Variants in AQP7 observed in about 807,000 individuals in gnomAD.
AQP7 encodes aquaporin-7.
Under a neutral mutation model 26.1 loss-of-function variants are expected in AQP7, and 22 were observed. The observed-to-expected ratio is 0.84, with a 90% CI of 0.60 to 1.20. The LOEUF is 1.20. Ranked by LOEUF, AQP7 falls within the 50% of genes most tolerant of loss-of-function variation. The pLI is 0.00. For synonymous variants in AQP7, 167 were observed against 181.7 expected (o/e 0.92, Z 0.65); for missense variants, 412 against 457.5 (o/e 0.90, Z 0.91).
At chr9:33,387,798 T>C (rs982303276) in intron 3 of AQP7, among the ~76,000 whole-genome samples, 1 of 151,764 alleles carries the variant, frequency 6.6e-6, no homozygotes, top group African/African-American at 2.4e-5. Flanking sequence ...GGCCTCCGTC[T>C]CCCCCATACC....
intron 3 of AQP7, among the ~76,000 whole-genome samples, chr9:33,387,605 C>T (rs558845): frequency 0.72 from 110,003 of 151,766 alleles, 41,803 homozygotes; most frequent in East Asian, 0.97. Flanking sequence ...GTCTTGCCCT[C>T]AGCTTCATTT....
In AQP7 at chr9:33,386,151, G is replaced by T; in HGVS notation, c.451C>A (p.Pro151Thr). Residue 151 changes from proline (P) to threonine (T), a missense_variant, in exon 6 of 8, where the codon CCC becomes ACC. Physicochemically the swap from Pro to Thr is conservative, Grantham distance 38 (BLOSUM62 -1). Transcript: ENST00000297988. ...GCAAAAATGCCAGCTGTAGCGACGG[G>T]ACCGGTCACCATCAGCTGTCCACCC... ...FSGGQLMVTGPVATAGIFATY... is the reference protein window; with the variant it reads ...FSGGQLMVTGTVATAGIFATY... 6.2e-7 allele frequency: 1 copy of T among 1,613,980 alleles called. No homozygotes were observed. Among genetic ancestry groups the T allele is most frequent in the Non-Finnish European group, 8.5e-7 (1 of 1,179,876 alleles).
At position 33,387,086 on chromosome 9, in the gene AQP7, C is replaced by T. The variant is rs575153087; in HGVS notation, c.151G>A (p.Gly51Ser). ...ACCATATGGGCCACGGAACCAAGGC[C>T]GAATACCTACAAGGGAGGGCCTCTA... ...FMSTYVMMVF[G>S]LGSVAHMVLN... The change falls in exon 4 of 8, where the codon GGC becomes AGC. Residue 51 changes from glycine (G) to serine (S), a missense_variant. Gly to Ser is a moderately conservative substitution (Grantham distance 56). Transcript: ENST00000297988. The T allele has an allele frequency of 1.5e-5, 24 of 1,611,812 alleles. No homozygotes were observed. The highest frequency in any genetic ancestry group is 6.6e-5 in the South Asian group (6 of 90,982).
At chr9:33,386,233 A>G in intron 5 of AQP7, 38 bp from the exon 6 acceptor site, 2 of 1,612,614 alleles carry the variant, frequency 1.2e-6, no homozygotes, top group Non-Finnish European at 8.5e-7. Flanking sequence ...CCTGCTCCCA[A>G]CTAAGCCCCA....
chr9:33,390,473 A>T (rs531144909), intron 3 of AQP7, among the ~76,000 whole-genome samples: 143 of 125,830 alleles, frequency 1.1e-3, no homozygotes, highest in African/African-American at 4.9e-3. Flanking sequence ...TTGCTGATTT[A>T]AAAAAAAAAA....
intron 2 of AQP7, among the ~76,000 whole-genome samples, chr9:33,397,563 G>T (rs1313585902): frequency 1.3e-5 from 2 of 152,106 alleles, no homozygotes; most frequent in Non-Finnish European, 2.9e-5. Context: ...CAAAGACTGG[G>T]ATGGGTGAGC....
At chr9:33,387,765 G>C in intron 3 of AQP7, among the ~76,000 whole-genome samples, 1 of 152,010 alleles carries the variant, frequency 6.6e-6, no homozygotes, top group East Asian at 1.9e-4. Flanking sequence ...CCTGGCTCCT[G>C]TGCTATCCTC....
Position 33,385,638 on chromosome 9 carries a change from A to G in AQP7, c.743+11T>C, listed in dbSNP as rs999053956. 1.2e-6 allele frequency: 2 copies of G among 1,612,936 alleles called. No individual in the cohort carries two copies. Among genetic ancestry groups the G allele is most frequent in the African/African-American group, 2.7e-5 (2 of 74,880 alleles). On this transcript the variant is annotated intron_variant, in intron 7 of 7. Transcript: ENST00000297988. ...AAAACTCAAAGGAATGGGCCTGGGC[A>G]GGGGCAGTACCTGAAGACCTGTTTG...
intron 3 of AQP7, among the ~76,000 whole-genome samples, chr9:33,393,243 A>G (rs140895503): frequency 6.6e-6 from 1 of 152,284 alleles, no homozygotes; most frequent in East Asian, 1.9e-4. Context: ...TAAGAAAGCT[A>G]AATTTGTGAA....
intron 7 of AQP7, 48 bp from the exon 8 acceptor site, chr9:33,385,338 A>T (rs780728509): frequency 8.9e-6 from 14 of 1,569,592 alleles, no homozygotes; most frequent in Middle Eastern, 2.4e-4. Flanking sequence ...TGCCCAGGAC[A>T]GCACCCTCAT....
chr9:33,393,188 A>T (rs1825565060), intron 3 of AQP7, among the ~76,000 whole-genome samples: 1 of 152,144 alleles, frequency 6.6e-6, no homozygotes, highest in South Asian at 2.1e-4. Flanking sequence ...AGATCACACC[A>T]CTGCACTCCA....
At position 33,386,199 on chromosome 9, in the gene AQP7, C is replaced by T. The variant is rs201175174; in HGVS notation, c.407-4G>A. The T allele has an allele frequency of 4.0e-5, 65 of 1,613,920 alleles. No homozygotes were observed. Among genetic ancestry groups the T allele is most frequent in the South Asian group, 1.6e-4 (15 of 91,064 alleles). On this transcript the variant is annotated splice_region_variant and splice_polypyrimidine_tract_variant and intron_variant, in intron 5 of 7. Coordinates refer to ENST00000297988, the MANE Select transcript of AQP7 (RefSeq NM_001170.3). The stretch of plus-strand genomic sequence containing the variant: ...CCCGAAAAGTGGAGAATGGCCGCTG[C>T]GGAGACACAGACTGTCATGCGAACC...
rs185342355 is a variant in AQP7 at position 33,401,586 on chromosome 9, A to C, written c.-25-299T>G. The C allele has an allele frequency of 2.5e-3, 1,071 of 430,326 alleles. 5 individuals are homozygous for C. The highest frequency in any genetic ancestry group is 0.018 in the African/African-American group (921 of 49,806). The allele number at this position is 430,326 out of a possible 1,614,324, so 26.7% of individuals were successfully genotyped here. A position where few individuals can be genotyped will look rare whatever the true frequency, so the allele number is the denominator to read the frequency against. The stretch of plus-strand genomic sequence containing the variant: ...GACTGTGGAGATGCCCTCAGCCTCT[A>C]CTCAGTGGCTCCAGCCTCATATTTG... On this transcript the variant is annotated intron_variant, in intron 1 of 7. Coordinates refer to ENST00000297988, the MANE Select transcript of AQP7 (RefSeq NM_001170.3).
intron 3 of AQP7, among the ~76,000 whole-genome samples, chr9:33,392,080 G>A (rs62544570): frequency 0.078 from 11,905 of 152,192 alleles, 615 homozygotes; most frequent in Admixed American, 0.11. Flanking sequence ...TTGGGAGGCC[G>A]AGGTGGGAGG....
chr9:33,390,449 G>T (rs933889016), intron 3 of AQP7, among the ~76,000 whole-genome samples: 5 of 151,352 alleles, frequency 3.3e-5, no homozygotes, highest in Admixed American at 3.3e-4. Context: ...CTGTCAAGCA[G>T]CAGATCAAGC....
intron 3 of AQP7, among the ~76,000 whole-genome samples, chr9:33,389,023 ATT>A (rs34391457): frequency 3.0e-3 from 331 of 111,048 alleles, no homozygotes; most frequent in East Asian, 8.7e-3. Context: ...CACCCAGCCA[ATT>A]TTTTTTTTTT....
chr9:33,399,920 G>A (rs1193150201), intron 2 of AQP7, among the ~76,000 whole-genome samples: 1 of 152,156 alleles, frequency 6.6e-6, no homozygotes, highest in Non-Finnish European at 1.5e-5. Flanking sequence ...TGAGACATGG[G>A]GGAGAGGGAA....
At chr9:33,387,801 C>T (rs937992195) in intron 3 of AQP7, among the ~76,000 whole-genome samples, 11 of 152,092 alleles carry the variant, frequency 7.2e-5, no homozygotes, top group African/African-American at 2.2e-4. Context: ...CTCCGTCTCC[C>T]CCATACCTTC....
In AQP7 at chr9:33,395,065, C is replaced by T. The variant is rs1439589734; in HGVS notation, c.144+13G>A. ...GCGGAGCCCCACCCACTTCGTGCTG[C>T]CCACCCACTCACCATCATGACATAT... On this transcript the variant is annotated intron_variant, in intron 3 of 7. Transcript: ENST00000297988. 8 of 1,609,442 alleles carry T rather than the reference C, an allele frequency of 5.0e-6. No individual in the cohort carries two copies. Among genetic ancestry groups the T allele is most frequent in the East Asian group, 2.2e-5 (1 of 44,834 alleles).
Sources: gnomAD v4.1 joint callset for allele counts (sites outside exome capture counted in the v4.1 genomes callset) on GRCh38, gnomAD v4.1.1 for gene constraint, MANE v1.5 for transcripts, NCBI Gene and HGNC (gene_info 2026-07-23, HGNC 2026-07-21) for gene names.